Variants in LTBP1 observed in about 807,000 individuals in gnomAD.
The protein encoded by LTBP1 is latent transforming growth factor beta binding protein 1, also known as latent-transforming growth factor beta-binding protein 1.
LTBP1 carries 129 observed loss-of-function variants against 207.6 expected under a neutral mutation model. That is an observed-to-expected ratio of 0.62 (90% CI 0.54 to 0.72). The LOEUF (loss-of-function observed/expected upper bound fraction) is 0.72, where lower values mean the gene tolerates loss of function less well. Ranked by LOEUF, LTBP1 falls within the 30% of genes least tolerant of loss-of-function variation. The pLI is 0.00. For missense variants in LTBP1, 2,281 were observed against 2,217.2 expected (o/e 1.03, Z -0.58); for synonymous variants, 963 against 833.7 (o/e 1.16, Z -2.67).
At chr2:33,212,308 G>A (rs2090371368) in intron 7 of LTBP1, among the ~76,000 whole-genome samples, 1 of 152,170 alleles carries the variant, frequency 6.6e-6, no homozygotes, top group Non-Finnish European at 1.5e-5. Flanking sequence ...TTGTATAAGT[G>A]CTGTAGTTAG....
At chr2:33,294,813 T>C (rs1351230916) in intron 20 of LTBP1, among the ~76,000 whole-genome samples, 1 of 151,106 alleles carries the variant, frequency 6.6e-6, no homozygotes. Flanking sequence ...TCCTGACCTT[T>C]TGATCCACCT....
intron 1 of LTBP1, among the ~76,000 whole-genome samples, chr2:32,948,143 A>G (rs981011879): frequency 3.3e-5 from 5 of 152,226 alleles, no homozygotes; most frequent in African/African-American, 1.2e-4. Context: ...TGAGGTCACT[A>G]CAGTTTAATC....
intron 10 of LTBP1, among the ~76,000 whole-genome samples, chr2:33,246,718 T>C (rs2092526631): frequency 6.6e-6 from 1 of 152,168 alleles, no homozygotes; most frequent in Admixed American, 6.5e-5. Context: ...TTTCTCTTCT[T>C]GAATGCACTG....
intron 26 of LTBP1, among the ~76,000 whole-genome samples, chr2:33,347,714 G>C (rs1297850312): frequency 6.6e-6 from 1 of 152,198 alleles, no homozygotes; most frequent in Admixed American, 6.5e-5. Flanking sequence ...GGGCTAGATG[G>C]CCTCTAATGT....
At chr2:33,353,690 A>C (rs2149878488) in intron 26 of LTBP1, among the ~76,000 whole-genome samples, 1 of 152,298 alleles carries the variant, frequency 6.6e-6, no homozygotes, top group African/African-American at 2.4e-5. Context: ...GTGCTGCTTC[A>C]GATTGCTTGA....
At chr2:33,138,030 G>GTCA (rs897669730) in intron 5 of LTBP1, among the ~76,000 whole-genome samples, 2 of 152,130 alleles carry the variant, frequency 1.3e-5, no homozygotes, top group African/African-American at 4.8e-5. Context: ...TTGGCTCTAT[G>GTCA]TGCTCTTTGG....
At chr2:32,989,022 A>G (rs575822272) in intron 2 of LTBP1, among the ~76,000 whole-genome samples, 2 of 152,194 alleles carry the variant, frequency 1.3e-5, no homozygotes, top group Non-Finnish European at 2.9e-5. Context: ...ATTTTGGACC[A>G]AGATTCAGAC....
intron 31 of LTBP1, among the ~76,000 whole-genome samples, chr2:33,367,622 A>C (rs1205245656): frequency 6.6e-6 from 1 of 152,174 alleles, no homozygotes; most frequent in Non-Finnish European, 1.5e-5. Context: ...TCTGCTTCTG[A>C]GTAATTTCAA....
intron 31 of LTBP1, among the ~76,000 whole-genome samples, chr2:33,385,143 A>G (rs894762138): frequency 6.6e-6 from 1 of 152,218 alleles, no homozygotes; most frequent in Non-Finnish European, 1.5e-5. Context: ...ATCACTGCAC[A>G]ACCAAGTAAT....
At chr2:33,088,536 C>T (rs867506701) in intron 3 of LTBP1, among the ~76,000 whole-genome samples, 59 of 152,238 alleles carry the variant, frequency 3.9e-4, no homozygotes, top group African/African-American at 1.4e-3. Flanking sequence ...TTGATTTGCA[C>T]ATGCTGACGC....
rs114090267 is a variant in LTBP1 at position 33,193,108 on chromosome 2, G to A, written c.1701+4257G>A. On this transcript the variant is annotated intron_variant, in intron 7 of 33. Transcript: ENST00000404816. ...ACTAGTTTTCTTATGTGTGGTAATAGTATTGGGATTATGTAGGAAAATATC... is the reference window on the plus strand; with the variant it reads ...ACTAGTTTTCTTATGTGTGGTAATAATATTGGGATTATGTAGGAAAATATC... 2.9e-3 allele frequency among the ~76,000 whole-genome samples: 441 copies of A among 152,256 alleles called. 1 individual carries two copies. Among genetic ancestry groups the A allele is most frequent in the African/African-American group, 9.9e-3 (412 of 41,532 alleles).
intron 31 of LTBP1, among the ~76,000 whole-genome samples, chr2:33,370,376 A>G (rs1056147751): frequency 6.6e-6 from 1 of 152,204 alleles, no homozygotes; most frequent in Non-Finnish European, 1.5e-5. Flanking sequence ...ATTAATGGGC[A>G]TGTCAGTTAC....
chr2:32,950,565 A>G (rs1019300968), intron 2 of LTBP1, among the ~76,000 whole-genome samples: 6 of 151,922 alleles, frequency 3.9e-5, no homozygotes, highest in African/African-American at 7.3e-5. Context: ...AAAAAAAAAA[A>G]AAAAAAAAAA....
At chr2:33,130,594 C>T (rs1349317949) in intron 4 of LTBP1, among the ~76,000 whole-genome samples, 1 of 152,106 alleles carries the variant, frequency 6.6e-6, no homozygotes, top group Admixed American at 6.6e-5. Flanking sequence ...AGCTTTTTAT[C>T]ACGGGAGGAG....
At chr2:33,138,350 G>C (rs543648596) in intron 5 of LTBP1, among the ~76,000 whole-genome samples, 1 of 152,166 alleles carries the variant, frequency 6.6e-6, no homozygotes. Flanking sequence ...TGAGATTCTA[G>C]AAGAGCCCAT....
At position 33,398,238 on chromosome 2, in the gene LTBP1, A is replaced by G. The variant is rs971423980; in HGVS notation, c.4985-126A>G. 3 of 759,078 alleles carry G rather than the reference A, an allele frequency of 4.0e-6. No individual in the cohort carries two copies. In the Admixed American group the frequency reaches 8.8e-5, roughly 22 times the overall value. The allele number at this position is 759,078 out of a possible 1,614,324, so 47.0% of individuals were successfully genotyped here. A position where few individuals can be genotyped will look rare whatever the true frequency, so the allele number is the denominator to read the frequency against. On this transcript the variant is annotated intron_variant, in intron 33 of 33. Coordinates refer to ENST00000404816, the MANE Select transcript of LTBP1 (RefSeq NM_206943.4). ...AAAAGTCATCTTCGTCTTGTCTGTG[A>G]CTGAAGCAATGACGAGAAAGCTTCC... is the stretch of plus-strand genomic sequence containing the variant.
intron 12 of LTBP1, among the ~76,000 whole-genome samples, chr2:33,259,061 A>G (rs1016879640): frequency 1.3e-5 from 2 of 152,224 alleles, no homozygotes; most frequent in African/African-American, 4.8e-5. Context: ...TTTAGTTAGC[A>G]TATCTTTTTG....
intron 33 of LTBP1, among the ~76,000 whole-genome samples, chr2:33,398,030 C>T (rs776390414): frequency 3.9e-4 from 60 of 152,242 alleles, no homozygotes; most frequent in Non-Finnish European, 7.4e-4. Context: ...GTATCTGGTT[C>T]CTCTTGACAA....
At chr2:33,139,489 C>G (rs1039268795) in intron 5 of LTBP1, among the ~76,000 whole-genome samples, 2 of 152,132 alleles carry the variant, frequency 1.3e-5, no homozygotes, top group Non-Finnish European at 2.9e-5. Flanking sequence ...TGCTAGCAGG[C>G]GCCCAGAGAA....
Sources: gnomAD v4.1 joint callset for allele counts (sites outside exome capture counted in the v4.1 genomes callset) on GRCh38, gnomAD v4.1.1 for gene constraint, MANE v1.5 for transcripts, NCBI Gene and HGNC (gene_info 2026-07-23, HGNC 2026-07-21) for gene names.